Variants in SETBP1 observed in about 807,000 individuals in gnomAD.
The protein encoded by SETBP1 is SET-binding protein.
Under a neutral mutation model 101.0 loss-of-function variants are expected in SETBP1, and 9 were observed. The observed-to-expected ratio is 0.09, with a 90% CI of 0.05 to 0.16. SETBP1 has a LOEUF of 0.16. Ranked by LOEUF, SETBP1 falls within the 10% of genes least tolerant of loss-of-function variation. The pLI is 1.00. For synonymous variants in SETBP1, 818 were observed against 788.5 expected (o/e 1.04, Z -0.63); for missense variants, 1,858 against 2,033.8 (o/e 0.91, Z 1.66).
At chr18:44,846,796 A>C (rs1045827520) in intron 2 of SETBP1, among the ~76,000 whole-genome samples, 1 of 152,194 alleles carries the variant, frequency 6.6e-6, no homozygotes, top group African/African-American at 2.4e-5. Context: ...TTCTTCAATA[A>C]CTGTTCCACC....
intron 3 of SETBP1, among the ~76,000 whole-genome samples, chr18:44,892,712 T>C (rs626900): frequency 0.54 from 81,846 of 151,946 alleles, 22,102 homozygotes; most frequent in Non-Finnish European, 0.55. Flanking sequence ...CTACTGGTTT[T>C]ATTGTAACTG....
rs75350529 is a variant in SETBP1 at position 44,993,301 on chromosome 18, A to G, written c.4000+39961A>G. Among the ~76,000 whole-genome samples, 10 of 152,240 alleles carry G rather than the reference A, an allele frequency of 6.6e-5. No homozygotes were observed. In the East Asian group the frequency reaches 1.7e-3, roughly 26 times the overall value. ...TATTCAAAGTTACATTACAGGTCTC[A>G]GCCAGTAAGCTAAGGAAAGTAAAAC... is the stretch of plus-strand genomic sequence containing the variant. On this transcript the variant is annotated intron_variant, in intron 4 of 5. Coordinates refer to ENST00000649279, the MANE Select transcript of SETBP1 (RefSeq NM_015559.3).
At chr18:44,908,067 TA>T (rs1599306273) in intron 3 of SETBP1, among the ~76,000 whole-genome samples, 2 of 134,378 alleles carry the variant, frequency 1.5e-5, no homozygotes, top group Admixed American at 1.5e-4. Flanking sequence ...TTTTATTTTT[TA>T]TTTTTTTTTT....
At chr18:44,905,572 C>G (rs992371558) in intron 3 of SETBP1, among the ~76,000 whole-genome samples, 1 of 127,156 alleles carries the variant, frequency 7.9e-6, no homozygotes, top group Non-Finnish European at 1.8e-5. Flanking sequence ...TAAAAGGGTT[C>G]TGATACTAAA....
In SETBP1 at chr18:44,951,570, A is replaced by G; in HGVS notation, c.2230A>G (p.Thr744Ala). 6.2e-7 allele frequency: 1 copy of G among 1,614,028 alleles called. No homozygotes were observed. The highest frequency in any genetic ancestry group is 8.5e-7 in the Non-Finnish European group (1 of 1,179,998). Residue 744 changes from threonine (T) to alanine (A), a missense_variant, in exon 4 of 6, where the codon ACA becomes GCA. This residue lies in a region of SETBP1 where 121 missense variants were observed against 138.0 expected (regional missense o/e 0.88). Coordinates refer to ENST00000649279, the MANE Select transcript of SETBP1 (RefSeq NM_015559.3). This position sits in a 1 kb window ranked among gnomAD's most constrained non-coding sequence, Gnocchi z 7.8. ...GCCACCCCCATCCGAAGAACCCAAA[A>G]CAGCCATCAAGCACCCCAGGCCTGT... ...ELPPPSEEPK[T>A]AIKHPRPVSS...
At chr18:44,919,609 A>G (rs1485852945) in intron 3 of SETBP1, among the ~76,000 whole-genome samples, 1 of 151,946 alleles carries the variant, frequency 6.6e-6, no homozygotes. Flanking sequence ...CAGCCTCCCT[A>G]AGTGCTGGGA....
intron 3 of SETBP1, among the ~76,000 whole-genome samples, chr18:44,948,122 A>G (rs1371243706): frequency 1.3e-5 from 2 of 152,342 alleles, no homozygotes; most frequent in East Asian, 3.9e-4. Context: ...AAGTGGTCGG[A>G]TTAATTCTCT....
chr18:45,059,303 T>C (rs2073855791), intron 5 of SETBP1, among the ~76,000 whole-genome samples: 1 of 152,194 alleles, frequency 6.6e-6, no homozygotes, highest in South Asian at 2.1e-4. Flanking sequence ...TTCTAAAAGA[T>C]AGGTACTCAA....
chr18:45,012,511 C>A (rs755967878), intron 4 of SETBP1, among the ~76,000 whole-genome samples: 1 of 152,080 alleles, frequency 6.6e-6, no homozygotes, highest in Non-Finnish European at 1.5e-5. Context: ...GGTTCTTTTG[C>A]ATGTGAAAGA....
At chr18:44,794,140 A>G (rs1273243671) in intron 2 of SETBP1, among the ~76,000 whole-genome samples, 1 of 152,174 alleles carries the variant, frequency 6.6e-6, no homozygotes, top group Non-Finnish European at 1.5e-5. Flanking sequence ...AAGAGGGGGA[A>G]TGGGGACACC....
chr18:44,785,665 C>G (rs2071225239), intron 2 of SETBP1, among the ~76,000 whole-genome samples: 1 of 152,174 alleles, frequency 6.6e-6, no homozygotes, highest in Non-Finnish European at 1.5e-5. Context: ...CATTTTAAGA[C>G]CATTGTTCCA....
intron 3 of SETBP1, among the ~76,000 whole-genome samples, chr18:44,943,314 G>T (rs2071127051): frequency 6.6e-6 from 1 of 152,212 alleles, no homozygotes; most frequent in Non-Finnish European, 1.5e-5. Context: ...GGGGTTAAAA[G>T]GAAGGTCTGA....
intron 2 of SETBP1, among the ~76,000 whole-genome samples, chr18:44,735,298 G>C (rs1171080037): frequency 6.6e-6 from 1 of 152,192 alleles, no homozygotes; most frequent in Non-Finnish European, 1.5e-5. Flanking sequence ...TCTTTTTTCA[G>C]TTGCTGGCAG....
At chr18:44,850,108 A>G (rs1459132314) in intron 2 of SETBP1, among the ~76,000 whole-genome samples, 1 of 152,196 alleles carries the variant, frequency 6.6e-6, no homozygotes, top group Non-Finnish European at 1.5e-5. Flanking sequence ...ATGTTGTCCA[A>G]AAGTTGGATC....
chr18:45,014,870 A>C (rs2072910268), intron 4 of SETBP1, among the ~76,000 whole-genome samples: 1 of 152,240 alleles, frequency 6.6e-6, no homozygotes, highest in African/African-American at 2.4e-5. Context: ...ATAATACATG[A>C]AAAGGTCTTA....
In SETBP1 at chr18:45,026,841, C is replaced by T. The variant is rs996632397; in HGVS notation, c.4001-11644C>T. Among the ~76,000 whole-genome samples, 19 of 152,138 alleles carry T rather than the reference C, an allele frequency of 1.2e-4. No homozygotes were observed. In the East Asian group the frequency reaches 2.3e-3, roughly 19 times the overall value. On this transcript the variant is annotated intron_variant, in intron 4 of 5. Coordinates refer to ENST00000649279, the MANE Select transcript of SETBP1 (RefSeq NM_015559.3). ...GCGCGTGTACACACGTGTGTATGTGCGTGTACAAACCAACTTAGGCAAGAA... is the reference window on the plus strand; with the variant it reads ...GCGCGTGTACACACGTGTGTATGTGTGTGTACAAACCAACTTAGGCAAGAA...
chr18:45,055,097 G>T (rs2073786597), intron 5 of SETBP1, among the ~76,000 whole-genome samples: 1 of 152,188 alleles, frequency 6.6e-6, no homozygotes, highest in Non-Finnish European at 1.5e-5. Context: ...CAGGAACTGT[G>T]TTCTTTGTTT....
intron 4 of SETBP1, among the ~76,000 whole-genome samples, chr18:44,964,965 A>G (rs936871490): frequency 6.6e-6 from 1 of 152,228 alleles, no homozygotes; most frequent in Admixed American, 6.5e-5. Context: ...TGCAGGAGGA[A>G]TTGGGCGTGA....
intron 4 of SETBP1, among the ~76,000 whole-genome samples, chr18:44,981,015 A>G (rs1250274725): frequency 6.6e-6 from 1 of 152,232 alleles, no homozygotes; most frequent in African/African-American, 2.4e-5. Flanking sequence ...GACCAATAGC[A>G]TCTGCCTCAT....
Sources: allele counts gnomAD v4.1 joint callset (sites outside exome capture counted in the v4.1 genomes callset), GRCh38; gene constraint gnomAD v4.1.1; regional missense constraint gnomAD v4.1.1; non-coding constraint Gnocchi (gnomAD v3.1); transcripts MANE v1.5; gene names NCBI Gene and HGNC (gene_info 2026-07-23, HGNC 2026-07-21).